VDAC1: variants seen among roughly 807,000 people sequenced by gnomAD.
VDAC1 encodes voltage dependent anion channel 1, also known as non-selective voltage-gated ion channel VDAC1.
In VDAC1, 10 loss-of-function variants were observed where a neutral mutation model predicts 34.7. The ratio of observed to expected loss-of-function variants is 0.29; its 90% CI spans 0.18 to 0.49. The LOEUF (loss-of-function observed/expected upper bound fraction) is 0.49. Among genes scored for constraint, VDAC1 ranks in the 20% least tolerant of loss-of-function variants. The pLI is 0.99. For missense variants in VDAC1, 230 were observed against 347.9 expected (o/e 0.66, Z 2.69); for synonymous variants, 130 against 136.0 (o/e 0.96, Z 0.30).
rs1752465694 is a variant in VDAC1 at position 133,975,981 on chromosome 5, C to T, written c.592G>A (p.Val198Met). The change falls in exon 7 of 9, where the codon GTG becomes ATG. Residue 198 changes from valine (V) to methionine (M), a missense_variant. Val to Met is a conservative substitution (Grantham distance 21). Coordinates refer to ENST00000265333, the MANE Select transcript of VDAC1 (RefSeq NM_003374.3). ...ACAGCGGTCTCCAACTTCTTGTTCA[C>T]TTTCTGGTAAATGGAGCCGCCAAAC... ...TEFGGSIYQKVNKKLETAVNL... is the reference protein window; with the variant it reads ...TEFGGSIYQKMNKKLETAVNL... The T allele has an allele frequency of 6.2e-7, 1 of 1,614,066 alleles. No individual in the cohort carries two copies. The highest frequency in any genetic ancestry group is 8.5e-7 in the Non-Finnish European group (1 of 1,180,028).
the VDAC1 span, among the ~76,000 whole-genome samples, chr5:134,107,691 T>G: frequency 2.0e-5 from 3 of 152,236 alleles, no homozygotes; most frequent in Admixed American, 2.0e-4. Flanking sequence ...ATGACAGGCC[T>G]GGTCCTGAGC....
At chr5:134,027,297 C>T in the VDAC1 span, among the ~76,000 whole-genome samples, 1 of 152,180 alleles carries the variant, frequency 6.6e-6, no homozygotes, top group Non-Finnish European at 1.5e-5. Flanking sequence ...CCATCAGCAG[C>T]CATGAGAGGG....
chr5:134,051,334 G>A, the VDAC1 span, among the ~76,000 whole-genome samples: 1 of 152,238 alleles, frequency 6.6e-6, no homozygotes, highest in Non-Finnish European at 1.5e-5. Context: ...GGCTAGGCCT[G>A]GGCTACAGTG....
chr5:134,027,066 C>T, the VDAC1 span, among the ~76,000 whole-genome samples: 4 of 152,148 alleles, frequency 2.6e-5, no homozygotes, highest in Non-Finnish European at 4.4e-5. Flanking sequence ...GCTACTGGCA[C>T]CTGCCAGGTG....
chr5:134,057,311 C>T, the VDAC1 span, among the ~76,000 whole-genome samples: 1 of 152,088 alleles, frequency 6.6e-6, no homozygotes, highest in African/African-American at 2.4e-5. Flanking sequence ...GAAACCCCAT[C>T]TCTACTAAAA....
chr5:134,027,826 A>G, the VDAC1 span, among the ~76,000 whole-genome samples: 1 of 137,380 alleles, frequency 7.3e-6, no homozygotes, highest in Non-Finnish European at 1.5e-5. Context: ...GCTGGAGTGC[A>G]GTGGTGTGAT....
the VDAC1 span, among the ~76,000 whole-genome samples, chr5:134,084,521 C>T: frequency 6.6e-6 from 1 of 152,248 alleles, no homozygotes; most frequent in African/African-American, 2.4e-5. Flanking sequence ...TGGGGGGTCC[C>T]TGCTGATGGG....
At chr5:134,112,010 T>A in the VDAC1 span, among the ~76,000 whole-genome samples, 1 of 152,198 alleles carries the variant, frequency 6.6e-6, no homozygotes, top group African/African-American at 2.4e-5. Flanking sequence ...TGGCACATAG[T>A]AATCACTCAG....
chr5:134,031,384 C>A, the VDAC1 span, among the ~76,000 whole-genome samples: 1 of 152,134 alleles, frequency 6.6e-6, no homozygotes, highest in South Asian at 2.1e-4. Context: ...GTGAATGCTG[C>A]CTTGTATGGC....
At chr5:134,031,771 C>T in the VDAC1 span, among the ~76,000 whole-genome samples, 4 of 151,606 alleles carry the variant, frequency 2.6e-5, no homozygotes, top group African/African-American at 4.9e-5. Flanking sequence ...GCCAACATGG[C>T]GAAACCCCAT....
chr5:134,097,496 C>G, the VDAC1 span, among the ~76,000 whole-genome samples: 1 of 152,200 alleles, frequency 6.6e-6, no homozygotes, highest in Non-Finnish European at 1.5e-5. Flanking sequence ...TTTCAAAAAG[C>G]CTTTGGTTGT....
the VDAC1 span, among the ~76,000 whole-genome samples, chr5:134,011,288 T>C: frequency 6.6e-6 from 1 of 152,014 alleles, no homozygotes; most frequent in Non-Finnish European, 1.5e-5. Flanking sequence ...TGTGAGCCAC[T>C]GCGCCCAGCC....
the VDAC1 span, among the ~76,000 whole-genome samples, chr5:134,078,147 C>T: frequency 6.6e-6 from 1 of 152,228 alleles, no homozygotes; most frequent in Non-Finnish European, 1.5e-5. Flanking sequence ...CCGTCCTTGA[C>T]TGAGCAGGGC....
At chr5:134,053,781 G>A in the VDAC1 span, among the ~76,000 whole-genome samples, 1 of 152,214 alleles carries the variant, frequency 6.6e-6, no homozygotes, top group Non-Finnish European at 1.5e-5. Flanking sequence ...TAGGGAAGAT[G>A]CCTTTTTCCC....
At chr5:133,981,323 T>C (rs958445552) in intron 5 of VDAC1, among the ~76,000 whole-genome samples, 1 of 152,230 alleles carries the variant, frequency 6.6e-6, no homozygotes, top group African/African-American at 2.4e-5. Context: ...TTTGATATTT[T>C]CCAAACCTGT....
At chr5:134,048,392 G>A in the VDAC1 span, among the ~76,000 whole-genome samples, 5 of 151,662 alleles carry the variant, frequency 3.3e-5, no homozygotes, top group Admixed American at 2.0e-4. Flanking sequence ...TCAGCCTCCC[G>A]AGTACCTGGG....
chr5:134,104,488 G>T, the VDAC1 span, among the ~76,000 whole-genome samples: 1 of 152,212 alleles, frequency 6.6e-6, no homozygotes, highest in African/African-American at 2.4e-5. Flanking sequence ...GTTTATAAGG[G>T]TGCCCTCTGC....
At chr5:134,100,581 A>G in the VDAC1 span, among the ~76,000 whole-genome samples, 1 of 152,196 alleles carries the variant, frequency 6.6e-6, no homozygotes, top group East Asian at 1.9e-4. Context: ...GCAGCAGCAG[A>G]CGCAGGCCTA....
At chr5:134,047,480 G>A in the VDAC1 span, among the ~76,000 whole-genome samples, 1 of 152,176 alleles carries the variant, frequency 6.6e-6, no homozygotes, top group Non-Finnish European at 1.5e-5. Context: ...CTATGGGAGA[G>A]AGGACAAATG....
Sources: gnomAD v4.1 joint callset for allele counts (sites outside exome capture counted in the v4.1 genomes callset) on GRCh38, gnomAD v4.1.1 for gene constraint, MANE v1.5 for transcripts, NCBI Gene and HGNC (gene_info 2026-07-23, HGNC 2026-07-21) for gene names.